Variants in ZNF468 observed in about 807,000 individuals in gnomAD.
ZNF468 encodes the protein zinc finger protein ZNF468.
A neutral mutation model predicts 7.2 loss-of-function variants in ZNF468; 8 were observed. The observed-to-expected ratio is 1.11, with a 90% CI of 0.65 to 2.01. The LOEUF is 2.01. Among genes scored for constraint, ZNF468 ranks in the 30% most tolerant of loss-of-function variants. ZNF468 has a pLI of 0.00. For synonymous variants in ZNF468, 218 were observed against 214.4 expected (o/e 1.02, Z -0.15); for missense variants, 608 against 626.5 (o/e 0.97, Z 0.31).
chr19:52,842,826 A>C (rs1421585775), intron 3 of ZNF468, among the ~76,000 whole-genome samples: 1 of 148,828 alleles, frequency 6.7e-6, no homozygotes, highest in Non-Finnish European at 1.5e-5. Flanking sequence ...AAAAAAAAAA[A>C]AAAAAAAAAA....
In ZNF468 at chr19:52,847,245, T is replaced by G. The variant is rs575978804; in HGVS notation, c.142+1842A>C. 2.3e-3 allele frequency among the ~76,000 whole-genome samples: 350 copies of G among 152,198 alleles called. 2 individuals are homozygous for G. Among genetic ancestry groups the G allele is most frequent in the African/African-American group, 8.1e-3 (336 of 41,506 alleles). On this transcript the variant is annotated intron_variant, in intron 3 of 3. Transcript: ENST00000595646. The stretch of plus-strand genomic sequence containing the variant: ...TCAAGGTTTAATGGATTTAGGGCTG[T>G]GCAGGGTGTGCCTTGTTAACAATAT...
At chr19:52,849,287 AGAGGG>A in intron 2 of ZNF468, 74 bp from the exon 3 acceptor site, 2 of 1,606,910 alleles carry the variant, frequency 1.2e-6, no homozygotes, top group Non-Finnish European at 1.7e-6. Flanking sequence ...AGAGGAGGAG[AGAGGG>A]GAAAGCATGG....
intron 3 of ZNF468, among the ~76,000 whole-genome samples, chr19:52,846,390 C>T (rs575644166): frequency 2.0e-5 from 3 of 152,138 alleles, no homozygotes; most frequent in Admixed American, 1.3e-4. Context: ...AGTAGAGTTG[C>T]AGTTTTCACA....
chr19:52,848,957 C>T, intron 3 of ZNF468, 130 bp downstream of exon 3: 6 of 1,462,560 alleles, frequency 4.1e-6, no homozygotes, highest in Non-Finnish European at 4.6e-6. Context: ...GATGCTACAT[C>T]ATGAAGCTTT....
At chr19:52,846,151 T>C (rs1270967704) in intron 3 of ZNF468, among the ~76,000 whole-genome samples, 2 of 152,172 alleles carry the variant, frequency 1.3e-5, no homozygotes, top group African/African-American at 2.4e-5. Context: ...AAATGCAACA[T>C]ACACAGAAAT....
rs775229828 is a variant in ZNF468 at position 52,841,568 on chromosome 19, T to A, written c.726A>T (p.Gln242His). 7 of 1,613,994 alleles carry A rather than the reference T, an allele frequency of 4.3e-6. No individual in the cohort carries two copies. The highest frequency in any genetic ancestry group is 1.7e-5 in the Admixed American group (1 of 59,990). Reference protein sequence around the residue: ...KHQIIHLEEKQCKCDVCGKVF... With the variant: ...KHQIIHLEEKHCKCDVCGKVF... ...CCTTGCCACATACATCACATTTACA[T>A]TGTTTCTCTTCTAAGTGAATTATCT... Residue 242 changes from glutamine (Q) to histidine (H), a missense_variant, in exon 4 of 4, where the codon CAA becomes CAT. Gln to His is a conservative substitution (Grantham distance 24). Coordinates refer to ENST00000595646, the MANE Select transcript of ZNF468 (RefSeq NM_001008801.2).
intron 2 of ZNF468, among the ~76,000 whole-genome samples, chr19:52,851,644 G>A (rs1235205974): frequency 2.6e-5 from 4 of 151,420 alleles, no homozygotes; most frequent in African/African-American, 7.3e-5. Context: ...CAGAGGCAGA[G>A]GTCAGGATGG....
chr19:52,841,958 G>A lies in ZNF468; in HGVS notation c.336C>T (p.Pro112=), dbSNP rs749996752. Residue 112 remains proline, a synonymous_variant, in exon 4 of 4, where the codon CCC becomes CCT. Coordinates refer to ENST00000595646, the MANE Select transcript of ZNF468 (RefSeq NM_001008801.2). ...CAGCCAACTCTTTGATTTCTGTCAT[G>A]GGTGCTGCATGGCCATTTGTTTCAT... ...KEDETNGHAA[P]MTEIKELAGS... 1.5e-5 allele frequency: 24 copies of A among 1,613,830 alleles called. No homozygotes were observed. In the Admixed American group the frequency reaches 1.5e-4, roughly 10 times the overall value.
chr19:52,854,054 T>C (rs1329416255), intron 2 of ZNF468: 21 of 1,457,774 alleles, frequency 1.4e-5, no homozygotes, highest in Non-Finnish European at 1.8e-5. Context: ...TCCCAGGACC[T>C]GCCCAGTGCA....
intron 1 of ZNF468, among the ~76,000 whole-genome samples, chr19:52,857,289 A>C (rs549061977): frequency 1.3e-5 from 2 of 152,328 alleles, no homozygotes; most frequent in Admixed American, 6.5e-5. Context: ...CTTTAAAAAG[A>C]GCCGTGCGGA....
At chr19:52,844,751 C>T (rs1888567812) in intron 3 of ZNF468, among the ~76,000 whole-genome samples, 1 of 152,102 alleles carries the variant, frequency 6.6e-6, no homozygotes, top group Non-Finnish European at 1.5e-5. Flanking sequence ...GTTGGCTAGG[C>T]TTGTCTCTAA....
chr19:52,850,666 G>A (rs1283224467), intron 2 of ZNF468, among the ~76,000 whole-genome samples: 2 of 151,940 alleles, frequency 1.3e-5, no homozygotes, highest in Non-Finnish European at 2.9e-5. Context: ...TTGGGAGGCC[G>A]AGGTGGGCGG....
intron 3 of ZNF468, among the ~76,000 whole-genome samples, chr19:52,848,334 C>T (rs559726993): frequency 7.9e-5 from 12 of 152,218 alleles, no homozygotes; most frequent in African/African-American, 2.6e-4. Context: ...CTGGAGCTTT[C>T]GTAGAGTCCC....
chr19:52,840,239 T>C lies in ZNF468; in HGVS notation c.*486A>G. ...ATGCAGTATGAAGTCTATGATGACT[T>C]GCAAGGTGTGATTGTTGATTAAAAA... On this transcript the variant is annotated 3_prime_UTR_variant, in exon 4 of 4. Transcript: ENST00000595646. 1.5e-5 allele frequency: 6 copies of C among 398,178 alleles called. No homozygotes were observed. Among genetic ancestry groups the C allele is most frequent in the South Asian group, 1.3e-4 (6 of 47,640 alleles). 24.7% of individuals were successfully genotyped at this position (398,178 alleles called of 1,614,324 possible).
intron 2 of ZNF468, among the ~76,000 whole-genome samples, chr19:52,849,788 C>T (rs1243672749): frequency 6.7e-6 from 1 of 148,652 alleles, no homozygotes; most frequent in Non-Finnish European, 1.5e-5. Flanking sequence ...CCTGTGGTCC[C>T]AGCTACTTGG....
At chr19:52,849,361 T>C in intron 2 of ZNF468, 148 bp from the exon 3 acceptor site, 2 of 1,455,048 alleles carry the variant, frequency 1.4e-6, no homozygotes, top group Non-Finnish European at 1.9e-6. Context: ...CTACATGATG[T>C]CTCCCCAGAT....
At chr19:52,854,719 T>C (rs1331217817) in intron 1 of ZNF468, among the ~76,000 whole-genome samples, 2 of 152,086 alleles carry the variant, frequency 1.3e-5, no homozygotes, top group African/African-American at 2.4e-5. Flanking sequence ...TGAAAGCCTG[T>C]CTCTACTAAA....
At position 52,839,768 on chromosome 19, in the gene ZNF468, G is replaced by A; in HGVS notation, c.*957C>T. On this transcript the variant is annotated 3_prime_UTR_variant, in exon 4 of 4. Coordinates refer to ENST00000595646, the MANE Select transcript of ZNF468 (RefSeq NM_001008801.2). Reference sequence around the variant, plus strand: ...AGGATGAAGCTTGACTGAAGACCTTGCCTCAATCATGACATTTATAAGGTT... The same window carrying A: ...AGGATGAAGCTTGACTGAAGACCTTACCTCAATCATGACATTTATAAGGTT... 1 of 494,674 alleles carries A rather than the reference G, an allele frequency of 2.0e-6. No individual in the cohort carries two copies. The highest frequency in any genetic ancestry group is 4.1e-6 in the Non-Finnish European group (1 of 246,478). The allele number at this position is 494,674 out of a possible 1,614,324, so 30.6% of individuals were successfully genotyped here. A position where few individuals can be genotyped will look rare whatever the true frequency, so the allele number is the denominator to read the frequency against.
chr19:52,840,548 C>T lies in ZNF468; in HGVS notation c.*177G>A. The T allele has an allele frequency of 7.9e-7, 1 of 1,271,246 alleles. No homozygotes were observed. The highest frequency in any genetic ancestry group is 1.1e-6 in the Non-Finnish European group (1 of 884,748). The allele number at this position is 1,271,246 out of a possible 1,614,324, so 78.7% of individuals were successfully genotyped here. A position where few individuals can be genotyped will look rare whatever the true frequency, so the allele number is the denominator to read the frequency against. ...TACAACTGAAAACTTTTGTCACATT[C>T]CTCCCATTTGTAAGGTTTCTCTCCA... On this transcript the variant is annotated 3_prime_UTR_variant, in exon 4 of 4. Transcript: ENST00000595646.
Sources: allele counts gnomAD v4.1 joint callset (sites outside exome capture counted in the v4.1 genomes callset), GRCh38; gene constraint gnomAD v4.1.1; transcripts MANE v1.5; gene names NCBI Gene and HGNC (gene_info 2026-07-23, HGNC 2026-07-21).